Variants in BNC2 observed in about 807,000 individuals in gnomAD.
BNC2 encodes the protein basonuclin zinc finger protein 2.
BNC2 carries 20 observed loss-of-function variants against 76.3 expected under a neutral mutation model. That is an observed-to-expected ratio of 0.26 (90% CI 0.18 to 0.38). The LOEUF (loss-of-function observed/expected upper bound fraction) is 0.38. Among genes scored for constraint, BNC2 ranks in the 10% least tolerant of loss-of-function variants. The pLI is 1.00. For synonymous variants in BNC2, 582 were observed against 514.8 expected (o/e 1.13, Z -1.77); for missense variants, 1,382 against 1,399.8 (o/e 0.99, Z 0.20).
At chr9:16,444,335 T>C (rs1334771644) in intron 5 of BNC2, among the ~76,000 whole-genome samples, 3 of 152,176 alleles carry the variant, frequency 2.0e-5, no homozygotes, top group Non-Finnish European at 4.4e-5. Context: ...CATAAAACTA[T>C]GGAGACTACC....
In BNC2 at chr9:16,728,013, G is replaced by T; in HGVS notation, c.130-16C>A. 1 of 1,610,676 alleles carries T rather than the reference G, an allele frequency of 6.2e-7. No homozygotes were observed. The highest frequency in any genetic ancestry group is 8.5e-7 in the Non-Finnish European group (1 of 1,179,126). On this transcript the variant is annotated splice_polypyrimidine_tract_variant and intron_variant, in intron 2 of 6. Transcript: ENST00000380672. ...CCTCTTCTGACTGAAAAGTGAAGGT[G>T]GATTTTTTGAGCCTCTTGGCAGCCA...
intron 3 of BNC2, among the ~76,000 whole-genome samples, chr9:16,619,531 A>G (rs13290470): frequency 0.29 from 43,650 of 151,980 alleles, 7,558 homozygotes; most frequent in South Asian, 0.4. Context: ...GCTCTTGTCC[A>G]TGGGTTGAGC....
At chr9:16,755,804 G>A (rs976366716) in intron 1 of BNC2, among the ~76,000 whole-genome samples, 2 of 152,158 alleles carry the variant, frequency 1.3e-5, no homozygotes, top group African/African-American at 4.8e-5. Flanking sequence ...ATCTGCTATT[G>A]AGGGCTTGGA....
intron 6 of BNC2, among the ~76,000 whole-genome samples, chr9:16,434,032 G>C (rs772880940): frequency 7.2e-5 from 11 of 152,102 alleles, no homozygotes; most frequent in Non-Finnish European, 1.5e-4. Flanking sequence ...TTCTGGGACT[G>C]TCAATGATAA....
intron 5 of BNC2, among the ~76,000 whole-genome samples, chr9:16,465,262 C>T (rs1017082114): frequency 6.6e-6 from 1 of 151,914 alleles, no homozygotes; most frequent in African/African-American, 2.4e-5. Flanking sequence ...ATGGCAAAAC[C>T]CCATCTCTAC....
At chr9:16,810,480 G>A (rs1221171280) in intron 1 of BNC2, among the ~76,000 whole-genome samples, 3 of 152,334 alleles carry the variant, frequency 2.0e-5, no homozygotes, top group South Asian at 2.1e-4. Flanking sequence ...CAATGACAAT[G>A]AGTCTGTGAA....
chr9:16,737,955 G>T (rs1195988486), intron 2 of BNC2, among the ~76,000 whole-genome samples: 2 of 151,954 alleles, frequency 1.3e-5, no homozygotes, highest in Non-Finnish European at 2.9e-5. Flanking sequence ...GCACTTTTCT[G>T]TAAGTATGTT....
At chr9:16,837,792 A>G (rs986163189) in intron 1 of BNC2, among the ~76,000 whole-genome samples, 1 of 152,124 alleles carries the variant, frequency 6.6e-6, no homozygotes, top group Admixed American at 6.5e-5. Context: ...TAGGGCTCCT[A>G]AGCTACTGCT....
At chr9:16,836,879 A>G (rs1031343289) in intron 1 of BNC2, among the ~76,000 whole-genome samples, 2 of 152,206 alleles carry the variant, frequency 1.3e-5, no homozygotes, top group African/African-American at 4.8e-5. Flanking sequence ...TGGGCTGTCC[A>G]CAGCATTGAG....
chr9:16,677,034 T>C (rs1563893693), intron 3 of BNC2, among the ~76,000 whole-genome samples: 1 of 152,228 alleles, frequency 6.6e-6, no homozygotes, highest in Non-Finnish European at 1.5e-5. Context: ...AAACTGTTTT[T>C]AGGTAAATAA....
At chr9:16,842,358 A>G (rs1818853970) in intron 1 of BNC2, among the ~76,000 whole-genome samples, 1 of 152,226 alleles carries the variant, frequency 6.6e-6, no homozygotes, top group Non-Finnish European at 1.5e-5. Flanking sequence ...TGGCACTTGC[A>G]TTACACAGAT....
chr9:16,539,784 G>A, intron 5 of BNC2, among the ~76,000 whole-genome samples: 1 of 128,358 alleles, frequency 7.8e-6, no homozygotes, highest in East Asian at 2.2e-4. Flanking sequence ...GAAAGGAAAG[G>A]AAAGGAAAGG....
Position 16,441,466 on chromosome 9 carries a change from G to A in BNC2, c.670-3942C>T, listed in dbSNP as rs536452473. Among the ~76,000 whole-genome samples, 147 of 152,292 alleles carry A rather than the reference G, an allele frequency of 9.7e-4. 2 individuals carry two copies. Among genetic ancestry groups the A allele is most frequent in the African/African-American group, 2.9e-3 (121 of 41,542 alleles). On this transcript the variant is annotated intron_variant, in intron 5 of 6. Coordinates refer to ENST00000380672, the MANE Select transcript of BNC2 (RefSeq NM_017637.6). Reference sequence around the variant, plus strand: ...TTTTACTGTATCTTTGACTAACCTCGTTGAAGGGAGTTAGAAAGCATCAAA... The same window carrying A: ...TTTTACTGTATCTTTGACTAACCTCATTGAAGGGAGTTAGAAAGCATCAAA...
intron 1 of BNC2, among the ~76,000 whole-genome samples, chr9:16,796,219 G>A (rs960174301): frequency 6.6e-6 from 1 of 152,156 alleles, no homozygotes; most frequent in African/African-American, 2.4e-5. Context: ...TCTTTCGTAA[G>A]TACTTTATAT....
At chr9:16,869,282 G>A (rs980413971) in intron 1 of BNC2, among the ~76,000 whole-genome samples, 1 of 152,160 alleles carries the variant, frequency 6.6e-6, no homozygotes, top group African/African-American at 2.4e-5. Context: ...ATTTTATGAT[G>A]TCTTTTGTAC....
chr9:16,578,905 G>C (rs1183691523), intron 4 of BNC2, among the ~76,000 whole-genome samples: 1 of 152,098 alleles, frequency 6.6e-6, no homozygotes, highest in African/African-American at 2.4e-5. Context: ...TCCTTTTACA[G>C]AGACTTGACA....
chr9:16,477,658 C>G lies in BNC2; in HGVS notation c.670-40134G>C, dbSNP rs368127017. On this transcript the variant is annotated intron_variant, in intron 5 of 6. Transcript: ENST00000380672. The stretch of plus-strand genomic sequence containing the variant: ...ACCCTAAAAAAAGTTTAAAAATATT[C>G]ATGGGGAAACATATATAATTATATT... 3.9e-5 allele frequency among the ~76,000 whole-genome samples: 6 copies of G among 152,224 alleles called. No homozygotes were observed. In the South Asian group the frequency reaches 6.2e-4, roughly 16 times the overall value.
In BNC2 at chr9:16,754,356, T is replaced by G. The variant is rs1586856846; in HGVS notation, c.4-15871A>C. Among the ~76,000 whole-genome samples the G allele has an allele frequency of 2.6e-5, 4 of 152,284 alleles. No individual in the cohort carries two copies. In the East Asian group the frequency reaches 7.7e-4, roughly 29 times the overall value. On this transcript the variant is annotated intron_variant, in intron 1 of 6. Coordinates refer to ENST00000380672, the MANE Select transcript of BNC2 (RefSeq NM_017637.6). Reference sequence around the variant, plus strand: ...TGCCTCCTCCACCAAGTGCAGAATTTATCAGTACATGAGTCTGATTCAGAA... The same window carrying G: ...TGCCTCCTCCACCAAGTGCAGAATTGATCAGTACATGAGTCTGATTCAGAA...
At chr9:16,646,775 T>TA (rs1210702118) in intron 3 of BNC2, among the ~76,000 whole-genome samples, 5 of 152,014 alleles carry the variant, frequency 3.3e-5, no homozygotes, top group African/African-American at 7.3e-5. Flanking sequence ...GGGGTTAAAT[T>TA]AAAAAAATCC....
Sources: allele counts gnomAD v4.1 joint callset (sites outside exome capture counted in the v4.1 genomes callset), GRCh38; gene constraint gnomAD v4.1.1; transcripts MANE v1.5; gene names NCBI Gene and HGNC (gene_info 2026-07-23, HGNC 2026-07-21).